Variants in FNDC3B observed in about 807,000 individuals in gnomAD.
The protein encoded by FNDC3B is fibronectin type III domain-containing protein 3B.
FNDC3B carries 12 observed loss-of-function variants against 151.5 expected under a neutral mutation model. The ratio of observed to expected loss-of-function variants is 0.08; its 90% CI spans 0.05 to 0.13. FNDC3B has a LOEUF of 0.13. Among genes scored for constraint, FNDC3B ranks in the 10% least tolerant of loss-of-function variants. The probability of loss-of-function intolerance (pLI) is 1.00; values close to 1 mark genes in which losing one functional copy is unlikely to be tolerated. For missense variants in FNDC3B, 1,214 were observed against 1,505.3 expected (o/e 0.81, Z 3.20); for synonymous variants, 528 against 549.0 (o/e 0.96, Z 0.54).
chr3:172,090,982 A>G (rs1350168924), intron 1 of FNDC3B, among the ~76,000 whole-genome samples: 2 of 152,182 alleles, frequency 1.3e-5, no homozygotes, highest in African/African-American at 4.8e-5. Flanking sequence ...ATATTCCAAA[A>G]TCTGAAAATT....
At chr3:172,318,522 C>T (rs1437313019) in intron 11 of FNDC3B, among the ~76,000 whole-genome samples, 1 of 152,164 alleles carries the variant, frequency 6.6e-6, no homozygotes, top group East Asian at 1.9e-4. Context: ...TTGCACAAAC[C>T]TTTTCTGGTT....
chr3:172,089,825 C>A (rs955684342), intron 1 of FNDC3B, among the ~76,000 whole-genome samples: 1 of 152,116 alleles, frequency 6.6e-6, no homozygotes, highest in Non-Finnish European at 1.5e-5. Context: ...GGGTCTGCAC[C>A]GTGCCGGCTG....
intron 22 of FNDC3B, among the ~76,000 whole-genome samples, chr3:172,357,568 T>C (rs1011569364): frequency 6.6e-6 from 1 of 152,220 alleles, no homozygotes; most frequent in Non-Finnish European, 1.5e-5. Flanking sequence ...CACCTTTCAC[T>C]GGAATTAGGA....
At chr3:172,248,807 T>C (rs1486825392) in intron 5 of FNDC3B, among the ~76,000 whole-genome samples, 1 of 150,706 alleles carries the variant, frequency 6.6e-6, no homozygotes, top group Non-Finnish European at 1.5e-5. Context: ...TTTGAGATGA[T>C]ATTTTAAGTG....
chr3:172,112,794 T>C (rs912094193), intron 2 of FNDC3B, among the ~76,000 whole-genome samples: 1 of 152,264 alleles, frequency 6.6e-6, no homozygotes, highest in Non-Finnish European at 1.5e-5. Context: ...GTTTGTATTC[T>C]TGAAGTATTG....
At chr3:172,330,302 A>G (rs1229014368) in intron 12 of FNDC3B, 3 of 397,176 alleles carry the variant, frequency 7.6e-6, no homozygotes, top group African/African-American at 4.1e-5. Context: ...AAGGATACAG[A>G]AGGCCAACTG....
intron 11 of FNDC3B, among the ~76,000 whole-genome samples, chr3:172,324,325 C>A (rs925392760): frequency 6.6e-6 from 1 of 152,088 alleles, no homozygotes; most frequent in Non-Finnish European, 1.5e-5. Flanking sequence ...AAAACACCCT[C>A]GTCCCTGGTT....
chr3:172,257,727 AT>A (rs1441626121), intron 6 of FNDC3B, among the ~76,000 whole-genome samples: 1 of 152,120 alleles, frequency 6.6e-6, no homozygotes, highest in East Asian at 1.9e-4. Context: ...CTGGCTACTC[AT>A]GGGCTCAGAC....
intron 2 of FNDC3B, among the ~76,000 whole-genome samples, chr3:172,120,746 G>A (rs1559975421): frequency 6.6e-6 from 1 of 152,042 alleles, no homozygotes; most frequent in Non-Finnish European, 1.5e-5. Flanking sequence ...AGGCCGAGGC[G>A]GGTGGATCAC....
intron 6 of FNDC3B, among the ~76,000 whole-genome samples, chr3:172,252,546 G>T (rs1404776189): frequency 6.6e-6 from 1 of 151,532 alleles, no homozygotes; most frequent in African/African-American, 2.4e-5. Context: ...GTAGAAAAAG[G>T]GACTGTGTCT....
chr3:172,111,968 T>C (rs1719999136), intron 1 of FNDC3B, among the ~76,000 whole-genome samples: 1 of 152,228 alleles, frequency 6.6e-6, no homozygotes, highest in Admixed American at 6.5e-5. Context: ...ATTTTGGGCA[T>C]AATTGAAGAA....
intron 2 of FNDC3B, among the ~76,000 whole-genome samples, chr3:172,125,712 G>A (rs1720777753): frequency 6.6e-6 from 1 of 152,178 alleles, no homozygotes; most frequent in African/African-American, 2.4e-5. Context: ...GAAACAAAGT[G>A]TATCCTTCAA....
chr3:172,316,497 G>A (rs960717396), intron 11 of FNDC3B: 10 of 446,542 alleles, frequency 2.2e-5, no homozygotes, highest in East Asian at 7.0e-5. Context: ...TAAACAGATC[G>A]TGATCTGGCC....
chr3:172,227,163 T>C (rs552239921), intron 4 of FNDC3B: 320 of 440,008 alleles, frequency 7.3e-4, no homozygotes, highest in Non-Finnish European at 1.1e-3. Context: ...CCTACTAGAC[T>C]GTCCTCTGCC....
intron 9 of FNDC3B, among the ~76,000 whole-genome samples, chr3:172,303,289 A>G (rs1731026333): frequency 6.6e-6 from 1 of 152,204 alleles, no homozygotes; most frequent in South Asian, 2.1e-4. Flanking sequence ...ATTTTGAAGC[A>G]GTTTTCTAGT....
At chr3:172,339,183 G>T (rs558047086) in intron 16 of FNDC3B, among the ~76,000 whole-genome samples, 1 of 152,224 alleles carries the variant, frequency 6.6e-6, no homozygotes, top group South Asian at 2.1e-4. Flanking sequence ...AAGTCTGTTG[G>T]TTCCTATTTT....
intron 3 of FNDC3B, among the ~76,000 whole-genome samples, chr3:172,176,115 G>C (rs1723581038): frequency 6.6e-6 from 1 of 152,190 alleles, no homozygotes; most frequent in Non-Finnish European, 1.5e-5. Flanking sequence ...AAAGGCCTTT[G>C]ATTAGTTGGA....
chr3:172,084,449 C>CA lies in FNDC3B; in HGVS notation c.-28-27993dup, dbSNP rs1220134829. ...CTGGTGACAGAGTGAGACCTTGTCT[C>CA]AAAAAAAAAATATGTATATGTATAC... On this transcript the variant is annotated intron_variant, in intron 1 of 25. Coordinates refer to ENST00000415807, the MANE Select transcript of FNDC3B (RefSeq NM_022763.4). Among the ~76,000 whole-genome samples, 671 of 84,624 alleles carry CA rather than the reference C, an allele frequency of 7.9e-3. 5 individuals are homozygous for CA. The highest frequency in any genetic ancestry group is 0.027 in the African/African-American group (631 of 23,072). 55.5% of individuals were successfully genotyped at this position (84,624 alleles called of 152,430 possible).
chr3:172,089,885 G>T (rs1296477911), intron 1 of FNDC3B, among the ~76,000 whole-genome samples: 4 of 152,138 alleles, frequency 2.6e-5, no homozygotes, highest in Non-Finnish European at 5.9e-5. Context: ...GAATTCCCAG[G>T]TCGGCCATCT....
Sources: gnomAD v4.1 joint callset for allele counts (sites outside exome capture counted in the v4.1 genomes callset) on GRCh38, gnomAD v4.1.1 for gene constraint, MANE v1.5 for transcripts, NCBI Gene and HGNC (gene_info 2026-07-23, HGNC 2026-07-21) for gene names.